Variants in MBD6 observed in about 807,000 individuals in gnomAD.
MBD6 encodes methyl-CpG binding domain protein 6.
MBD6 carries 22 observed loss-of-function variants against 66.8 expected under a neutral mutation model. The observed-to-expected ratio is 0.33, with a 90% CI of 0.24 to 0.47. The LOEUF (loss-of-function observed/expected upper bound fraction) is 0.47. Ranked by LOEUF, MBD6 falls within the 20% of genes least tolerant of loss-of-function variation. MBD6 has a pLI of 1.00. For synonymous variants in MBD6, 540 were observed against 534.6 expected (o/e 1.01, Z -0.14); for missense variants, 1,322 against 1,286.9 (o/e 1.03, Z -0.42).
chr12:57,525,448 T>A lies in MBD6; in HGVS notation c.480T>A (p.Gly160=). Residue 160 remains glycine, a synonymous_variant, in exon 6 of 13, where the codon GGT becomes GGA. Coordinates refer to ENST00000355673, the MANE Select transcript of MBD6 (RefSeq NM_052897.4). ...CTCCTACAACTCCACTTAATGGGGG[T>A]CCTGGCTCCCTTCCCCCAGAACCAC... is the stretch of plus-strand genomic sequence containing the variant. ...RVPPTTPLNG[G]PGSLPPEPPS... 2.0e-6 allele frequency: 3 copies of A among 1,533,654 alleles called. No homozygotes were observed. The highest frequency in any genetic ancestry group is 2.6e-6 in the Non-Finnish European group (3 of 1,145,154).
At chr12:57,531,175 GTC>G (rs1879665184), downstream of MBD6, among the ~76,000 whole-genome samples, 2 of 152,136 alleles carry the variant, frequency 1.3e-5, no homozygotes. Context: ...ATTGATGCTG[GTC>G]TCTCGACTTT....
At chr12:57,524,134 C>T (rs760351868) in intron 2 of MBD6, 42 bp downstream of exon 2, 1 of 464,022 alleles carries the variant, frequency 2.2e-6, no homozygotes, top group Non-Finnish European at 3.8e-6. Context: ...AGTCTCCCTC[C>T]CAGCTGAGGG....
chr12:57,528,583 C>T (rs763706225), intron 10 of MBD6, 23 bp downstream of exon 10: 1 of 1,611,324 alleles, frequency 6.2e-7, no homozygotes, highest in South Asian at 1.1e-5. Flanking sequence ...TGCTGGTAGT[C>T]TGGGCTCAGG....
chr12:57,526,404 G>A lies in MBD6; in HGVS notation c.1420+16G>A. ...AGTGTGCCAGGTATGTGAGTATTGTGGAGCCCTTCCTCATCCTGGCTGGAA... is the reference window on the plus strand; with the variant it reads ...AGTGTGCCAGGTATGTGAGTATTGTAGAGCCCTTCCTCATCCTGGCTGGAA... On this transcript the variant is annotated intron_variant, in intron 6 of 12. Coordinates refer to ENST00000355673, the MANE Select transcript of MBD6 (RefSeq NM_052897.4). The A allele has an allele frequency of 6.4e-7, 1 of 1,555,314 alleles. No homozygotes were observed. The highest frequency in any genetic ancestry group is 1.9e-5 in the Admixed American group (1 of 52,232).
Position 57,527,155 on chromosome 12 carries a change from C to A in MBD6, c.2010C>A (p.Pro670=), listed in dbSNP as rs1419322808. Residue 670 remains proline, a synonymous_variant, in exon 7 of 13, where the codon CCC becomes CCA. Coordinates refer to ENST00000355673, the MANE Select transcript of MBD6 (RefSeq NM_052897.4). The stretch of plus-strand genomic sequence containing the variant: ...TACTTTTCCCCCCACTTTCAGCCCC[C>A]CCTACCCTCATAGCTTTAAATTCTG... The part of the protein sequence containing the change: ...SPLLFPPLSA[P]PTLIALNSAL... 8 of 1,495,872 alleles carry A rather than the reference C, an allele frequency of 5.3e-6. No individual in the cohort carries two copies. The Middle Eastern group carries it at 9.2e-4, about 172-fold the overall frequency. The allele number at this position is 1,495,872 out of a possible 1,614,324, so 92.7% of individuals were successfully genotyped here.
rs567456000 is a variant in MBD6, at chr12:57,528,881, C to T, written c.2874-65C>T. 3.1e-6 allele frequency: 5 copies of T among 1,612,240 alleles called. No individual in the cohort carries two copies. In the African/African-American group the frequency reaches 6.7e-5, roughly 22 times the overall value. The stretch of plus-strand genomic sequence containing the variant: ...TATCCAAATGTAGAAAGTTTCCCAC[C>T]CAAACTTCTGAAATTCACCTGGTGC... On this transcript the variant is annotated intron_variant, in intron 11 of 12. Transcript: ENST00000355673.
Position 57,522,924 on chromosome 12 carries a change from G to C in MBD6, c.-176G>C, listed in dbSNP as rs1278805916. On this transcript the variant is annotated 5_prime_UTR_variant, in exon 1 of 13. Coordinates refer to ENST00000355673, the MANE Select transcript of MBD6 (RefSeq NM_052897.4). ...CCGGCCGGGGCCGTACCGGAGGCTC[G>C]GGCTCCACCGACCCTCCTCCCACCC... 6.6e-6 allele frequency: 1 copy of C among 152,188 alleles called. No individual in the cohort carries two copies. Among genetic ancestry groups the C allele is most frequent in the African/African-American group, 2.4e-5 (1 of 41,274 alleles). 9.4% of individuals were successfully genotyped at this position (152,188 alleles called of 1,614,324 possible).
chr12:57,523,389 C>T (rs1040437197), intron 1 of MBD6: 1 of 152,176 alleles, frequency 6.6e-6, no homozygotes, highest in African/African-American at 2.4e-5. Context: ...GGGGCTTCCC[C>T]TTCTATCGGA....
rs761383840 is a variant in MBD6, at chr12:57,527,881, C to T, written c.2270C>T (p.Ala757Val). The T allele has an allele frequency of 1.2e-6, 2 of 1,613,814 alleles. No individual in the cohort carries two copies. Among genetic ancestry groups the T allele is most frequent in the South Asian group, 2.2e-5 (2 of 91,080 alleles). The change falls in exon 9 of 13, where the codon GCC becomes GTC. Residue 757 changes from alanine to valine, a missense_variant. Physicochemically the swap from Ala to Val is moderately conservative, Grantham distance 64 (BLOSUM62 0). Transcript: ENST00000355673. ...TCTTCACTGACCAGCAGCCCTGGAG[C>T]CCTCCCCAGCCTGTTGCAGCCTCCT... Reference protein sequence around the residue: ...DLSSLTSSPGALPSLLQPPGP... With the variant: ...DLSSLTSSPGVLPSLLQPPGP...
At chr12:57,528,900 C>G in intron 11 of MBD6, 46 bp from the exon 12 acceptor site, 1 of 1,613,734 alleles carries the variant, frequency 6.2e-7, no homozygotes, top group Non-Finnish European at 8.5e-7. Context: ...TGAAATTCAC[C>G]TGGTGCTTGG....
In MBD6 at chr12:57,525,404, C is replaced by T. The variant is rs770510817; in HGVS notation, c.436C>T (p.Arg146Cys). The T allele has an allele frequency of 1.8e-5, 28 of 1,542,164 alleles. No homozygotes were observed. Among genetic ancestry groups the T allele is most frequent in the South Asian group, 1.8e-4 (14 of 77,126 alleles). The change falls in exon 6 of 13, where the codon CGC (arginine) becomes TGC (cysteine). Residue 146 changes from arginine to cysteine, a missense_variant. Arg to Cys is a radical substitution (Grantham distance 180). Coordinates refer to ENST00000355673, the MANE Select transcript of MBD6 (RefSeq NM_052897.4). The part of the protein sequence containing the change: ...HTVSPGPPSA[R>C]PPCRVPPTTP... ...TGTGTCCCCAGGGCCCCCCTCTGCC[C>T]GCCCTCCCTGTCGAGTTCCTCCTAC...
intron 3 of MBD6, 128 bp downstream of exon 3, chr12:57,524,544 C>G (rs1422111275): frequency 1.0e-5 from 11 of 1,086,468 alleles, no homozygotes; most frequent in Non-Finnish European, 1.5e-5. Context: ...CTTCCTCAGC[C>G]TTTTTGCTTT....
At position 57,525,935 on chromosome 12, in the gene MBD6, C is replaced by G. The variant is rs374959813; in HGVS notation, c.967C>G (p.Leu323Val). Residue 323 changes from leucine to valine, a missense_variant, in exon 6 of 13, where the codon CTA becomes GTA. Physicochemically the swap from Leu to Val is conservative, Grantham distance 32. Transcript: ENST00000355673. ...PGAPPFLASS[L>V]LSAAAKAQHP... ...GGCACCCCCCTTCCTTGCTAGCAGC[C>G]TACTCTCTGCAGCGGCCAAGGCACA... 6.2e-7 allele frequency: 1 copy of G among 1,613,474 alleles called. No individual in the cohort carries two copies. Among genetic ancestry groups the G allele is most frequent in the African/African-American group, 1.3e-5 (1 of 74,962 alleles).
chr12:57,527,884 T>G lies in MBD6; in HGVS notation c.2273T>G (p.Leu758Arg), dbSNP rs764839450. 1 of 1,613,716 alleles carries G rather than the reference T, an allele frequency of 6.2e-7. No homozygotes were observed. The highest frequency in any genetic ancestry group is 1.7e-5 in the Admixed American group (1 of 60,002). Reference sequence around the variant, plus strand: ...TCACTGACCAGCAGCCCTGGAGCCCTCCCCAGCCTGTTGCAGCCTCCTGGC... The same window carrying G: ...TCACTGACCAGCAGCCCTGGAGCCCGCCCCAGCCTGTTGCAGCCTCCTGGC... ...LSSLTSSPGA[L>R]PSLLQPPGPL... The change falls in exon 9 of 13, where the codon CTC becomes CGC. Residue 758 changes from leucine to arginine, a missense_variant. By Grantham distance (102) the Leu-to-Arg change is moderately radical (BLOSUM62 -2). Transcript: ENST00000355673.
At chr12:57,522,527 G>T (rs1438595511), upstream of MBD6, among the ~76,000 whole-genome samples, 1 of 151,668 alleles carries the variant, frequency 6.6e-6, no homozygotes, top group Non-Finnish European at 1.5e-5. Flanking sequence ...GCCACCAGTG[G>T]CCTGGGAAGA....
Position 57,528,934 on chromosome 12 carries a change from C to A in MBD6, c.2874-12C>A, listed in dbSNP as rs1879307653. 5 of 1,614,134 alleles carry A rather than the reference C, an allele frequency of 3.1e-6. No individual in the cohort carries two copies. The South Asian group carries it at 5.5e-5, about 18-fold the overall frequency. ...GGGAGCTGTTCCTGATCATCTGTGCCCCTTATTGCAGCCCTACCCGGAACA... is the reference window on the plus strand; with the variant it reads ...GGGAGCTGTTCCTGATCATCTGTGCACCTTATTGCAGCCCTACCCGGAACA... On this transcript the variant is annotated splice_polypyrimidine_tract_variant and intron_variant, in intron 11 of 12. Coordinates refer to ENST00000355673, the MANE Select transcript of MBD6 (RefSeq NM_052897.4).
rs770745658 is a variant in MBD6 at position 57,528,010 on chromosome 12, G to C, written c.2399G>C (p.Ser800Thr). Residue 800 changes from serine (S) to threonine (T), a missense_variant, in exon 9 of 13, where the codon AGT (serine) becomes ACT (threonine). Ser to Thr is a moderately conservative substitution (Grantham distance 58). Transcript: ENST00000355673. ...AGTCCCCTAGCCTGCCTGCTACAGA[G>C]TCTCCAGGTGAGGGTGTGGGCATAT... is the stretch of plus-strand genomic sequence containing the variant. ...ASSPLACLLQ[S>T]LQIPPEQPEA... is the part of the protein sequence containing the mutation. 2 of 1,536,974 alleles carry C rather than the reference G, an allele frequency of 1.3e-6. No homozygotes were observed. The highest frequency in any genetic ancestry group is 1.7e-6 in the Non-Finnish European group (2 of 1,146,348).
In MBD6 at chr12:57,528,429, G is replaced by A. The variant is rs1363303372; in HGVS notation, c.2689G>A (p.Gly897Ser). The change falls in exon 10 of 13, where the codon GGT (glycine) becomes AGT (serine). Residue 897 changes from glycine (G) to serine (S), a missense_variant. Coordinates refer to ENST00000355673, the MANE Select transcript of MBD6 (RefSeq NM_052897.4). ...GRLALKWGTR[G>S]GFNGQMERSP... ...ACTGGCCCTCAAATGGGGGACACGT[G>A]GTGGCTTCAATGGACAAATGGAAAG... The A allele has an allele frequency of 1.2e-6, 2 of 1,613,420 alleles. No individual in the cohort carries two copies. The highest frequency in any genetic ancestry group is 3.3e-5 in the Admixed American group (2 of 60,010).
Position 57,525,828 on chromosome 12 carries a change from A to G in MBD6, c.860A>G (p.Gln287Arg). Residue 287 changes from glutamine (Q) to arginine (R), a missense_variant, in exon 6 of 13, where the codon CAG (glutamine) becomes CGG (arginine). By Grantham distance (43) the Gln-to-Arg change is conservative. Coordinates refer to ENST00000355673, the MANE Select transcript of MBD6 (RefSeq NM_052897.4). Reference protein sequence around the residue: ...NLPAHPGPASQPPVSSATMHL... With the variant: ...NLPAHPGPASRPPVSSATMHL... Reference sequence around the variant, plus strand: ...CCCGCCCACCCTGGTCCTGCCTCTCAGCCACCAGTGTCTTCAGCCACTATG... The same window carrying G: ...CCCGCCCACCCTGGTCCTGCCTCTCGGCCACCAGTGTCTTCAGCCACTATG... 6.4e-6 allele frequency: 10 copies of G among 1,567,260 alleles called. No individual in the cohort carries two copies. Among genetic ancestry groups the G allele is most frequent in the Non-Finnish European group, 8.6e-6 (10 of 1,163,636 alleles).
Sources: allele counts gnomAD v4.1 joint callset (sites outside exome capture counted in the v4.1 genomes callset), GRCh38; gene constraint gnomAD v4.1.1; transcripts MANE v1.5; gene names NCBI Gene and HGNC (gene_info 2026-07-23, HGNC 2026-07-21).